The following FAM114A1 variants were observed in gnomAD, a reference collection of about 807,000 sequenced individuals.
FAM114A1 encodes protein NOXP20.
A neutral mutation model predicts 64.3 loss-of-function variants in FAM114A1; 62 were observed. The ratio of observed to expected loss-of-function variants is 0.96; its 90% confidence interval spans 0.79 to 1.19. The LOEUF (loss-of-function observed/expected upper bound fraction) is 1.19, where lower values mean the gene tolerates loss of function less well. FAM114A1 is among the 50% of genes most tolerant of loss of function. FAM114A1 has a pLI of 0.00. For missense variants in FAM114A1, 645 were observed against 676.3 expected, an observed-to-expected ratio of 0.95 and a Z score of 0.51; for synonymous variants, 254 against 251.1, an observed-to-expected ratio of 1.01 and a Z score of -0.11.
chr4:38,930,277 TTCTC>T (rs151238656), intron 10 of FAM114A1, among the ~76,000 whole-genome samples: 4 of 151,882 alleles, frequency 2.6e-5, no homozygotes, highest in Non-Finnish European at 4.4e-5. Flanking sequence ...TGTTTTTCCA[TTCTC>T]TCTCTCTCTC....
At chr4:38,868,283 A>T (rs1332972930) in intron 1 of FAM114A1, 115 bp from the exon 2 acceptor site, 2 of 156,484 alleles carry the variant, frequency 1.3e-5, no homozygotes, top group East Asian at 1.9e-4. Context: ...GCACGAAGGG[A>T]GCAGGTCCCT....
At chr4:38,918,462 T>A (rs1270325971) in intron 8 of FAM114A1, among the ~76,000 whole-genome samples, 2 of 152,174 alleles carry the variant, frequency 1.3e-5, no homozygotes, top group African/African-American at 2.4e-5. Flanking sequence ...TTGACACACG[T>A]AGCGAATAAA....
intron 12 of FAM114A1, among the ~76,000 whole-genome samples, 180 bp from the exon 13 acceptor site, chr4:38,935,538 T>C (rs1249649981): frequency 2.0e-5 from 3 of 152,200 alleles, no homozygotes; most frequent in Admixed American, 6.5e-5. Context: ...TAAACTGTGA[T>C]TGCGAATCAT....
intron 4 of FAM114A1, among the ~76,000 whole-genome samples, chr4:38,899,910 A>C (rs1373624052): frequency 6.6e-6 from 1 of 152,096 alleles, no homozygotes; most frequent in Non-Finnish European, 1.5e-5. Context: ...TAAAGCCATC[A>C]GTTTTTGCAG....
chr4:38,878,701 G>A (rs981691963), intron 3 of FAM114A1, among the ~76,000 whole-genome samples: 2 of 152,186 alleles, frequency 1.3e-5, no homozygotes, highest in Non-Finnish European at 2.9e-5. Flanking sequence ...TCTATGTTAT[G>A]TAATTCACTC....
intron 6 of FAM114A1, among the ~76,000 whole-genome samples, chr4:38,906,976 T>A (rs1046019827): frequency 2.6e-5 from 4 of 152,224 alleles, no homozygotes; most frequent in African/African-American, 7.2e-5. Flanking sequence ...AGATCTTGGA[T>A]ATATGCTGGC....
At chr4:38,895,931 C>T (rs1716888079) in intron 4 of FAM114A1, among the ~76,000 whole-genome samples, 1 of 152,058 alleles carries the variant, frequency 6.6e-6, no homozygotes, top group Non-Finnish European at 1.5e-5. Flanking sequence ...TAGATGTGGC[C>T]CGTCGTTGAC....
At chr4:38,916,339 A>G (rs1691786625) in intron 8 of FAM114A1, among the ~76,000 whole-genome samples, 1 of 152,240 alleles carries the variant, frequency 6.6e-6, no homozygotes, top group Non-Finnish European at 1.5e-5. Flanking sequence ...AACATGACCT[A>G]TGTTAAAGGA....
intron 3 of FAM114A1, among the ~76,000 whole-genome samples, chr4:38,884,548 A>T (rs1228425888): frequency 6.6e-6 from 1 of 152,236 alleles, no homozygotes; most frequent in Non-Finnish European, 1.5e-5. Context: ...TTTTAAATAG[A>T]TTATGGTAGC....
intron 13 of FAM114A1, 98 bp downstream of exon 13, chr4:38,935,888 A>G: frequency 1.2e-6 from 1 of 851,856 alleles, no homozygotes; most frequent in East Asian, 2.5e-5. Context: ...GCTCCATAAA[A>G]CTGAAGCTAT....
rs116005866 is a variant in FAM114A1, at chr4:38,912,724, C to A, written c.793-2197C>A. ...TGAGTCCACATCTTTCCAGAGTGAC[C>A]CTTTCCCTTTCTCTTCAATTTCATC... is the stretch of plus-strand genomic sequence containing the variant. On this transcript the variant is annotated intron_variant, in intron 7 of 14. Transcript: ENST00000358869. Among the ~76,000 whole-genome samples the A allele has an allele frequency of 7.9e-3, 1,200 of 152,236 alleles. 24 individuals are homozygous for A. Among genetic ancestry groups the A allele is most frequent in the African/African-American group, 0.027 (1,134 of 41,550 alleles).
At chr4:38,911,152 G>T (rs1718490302) in intron 7 of FAM114A1, among the ~76,000 whole-genome samples, 1 of 152,198 alleles carries the variant, frequency 6.6e-6, no homozygotes, top group African/African-American at 2.4e-5. Flanking sequence ...AGAAAATGGG[G>T]AGGGAGCCCA....
chr4:38,911,901 G>A (rs1217264216), intron 7 of FAM114A1, among the ~76,000 whole-genome samples: 11 of 120,232 alleles, frequency 9.1e-5, no homozygotes, highest in Admixed American at 4.5e-4. Context: ...TCACTCTGTC[G>A]CCCAGGATGG....
chr4:38,878,197 C>G lies in FAM114A1; in HGVS notation c.119C>G (p.Ser40Ter). 1.2e-6 allele frequency: 2 copies of G among 1,614,248 alleles called. No individual in the cohort carries two copies. Among genetic ancestry groups the G allele is most frequent in the Non-Finnish European group, 1.7e-6 (2 of 1,180,046 alleles). ...GTGCATTGTGATTCAGCTGCAGTTT[C>G]ACATGAGCCAACACCAGCTGACCCC... ...AEVHCDSAAV[S>*]HEPTPADPRG... The change falls in exon 3 of 15, where the codon TCA becomes TGA. Residue 40 changes from serine to a stop codon, truncating the protein, a stop_gained. Coordinates refer to ENST00000358869, the MANE Select transcript of FAM114A1 (RefSeq NM_138389.4). LOFTEE classifies it high-confidence loss of function.
At chr4:38,915,971 G>A (rs1266089476) in intron 8 of FAM114A1, among the ~76,000 whole-genome samples, 1 of 152,186 alleles carries the variant, frequency 6.6e-6, no homozygotes, top group Non-Finnish European at 1.5e-5. Context: ...AGAGAGGGAG[G>A]GGCCGTGGTG....
intron 9 of FAM114A1, among the ~76,000 whole-genome samples, chr4:38,926,475 G>A (rs1270282626): frequency 6.8e-6 from 1 of 146,250 alleles, no homozygotes; most frequent in Admixed American, 6.8e-5. Context: ...TTTTTTTCCA[G>A]ATAGAGTCTC....
intron 8 of FAM114A1, among the ~76,000 whole-genome samples, chr4:38,919,198 G>A (rs1168164264): frequency 6.6e-6 from 1 of 152,052 alleles, no homozygotes; most frequent in Admixed American, 6.6e-5. Flanking sequence ...GAAACAAATT[G>A]TTAAAGAAAA....
intron 9 of FAM114A1, among the ~76,000 whole-genome samples, chr4:38,928,922 A>G (rs1720383880): frequency 6.6e-6 from 1 of 152,186 alleles, no homozygotes; most frequent in Non-Finnish European, 1.5e-5. Context: ...CTTTCAGCAA[A>G]TAGCTGCTGA....
chr4:38,916,090 T>C (rs1719028064), intron 8 of FAM114A1, among the ~76,000 whole-genome samples: 1 of 152,196 alleles, frequency 6.6e-6, no homozygotes, highest in Non-Finnish European at 1.5e-5. Context: ...CTGTTATGTT[T>C]GGACTTTGAG....
Sources: allele counts gnomAD v4.1 joint callset (sites outside exome capture counted in the v4.1 genomes callset), GRCh38; gene constraint gnomAD v4.1.1; transcripts MANE v1.5; gene names NCBI Gene and HGNC (gene_info 2026-07-23, HGNC 2026-07-21).